The following SCLT1 variants were observed in gnomAD, a reference collection of about 807,000 sequenced individuals.
SCLT1 encodes the protein sodium channel-associated protein 1.
Under a neutral mutation model 112.8 loss-of-function variants are expected in SCLT1, and 78 were observed. The ratio of observed to expected loss-of-function variants is 0.69; its 90% CI spans 0.58 to 0.83. The LOEUF (loss-of-function observed/expected upper bound fraction) is 0.83, where lower values mean the gene tolerates loss of function less well. Among genes scored for constraint, SCLT1 ranks in the 40% least tolerant of loss-of-function variants. The pLI is 0.00. For missense variants in SCLT1, 747 were observed against 770.4 expected (o/e 0.97, Z 0.36); for synonymous variants, 257 against 254.7 (o/e 1.01, Z -0.09).
At chr4:128,894,938 A>T (rs1484528243) in intron 18 of SCLT1, among the ~76,000 whole-genome samples, 1 of 152,014 alleles carries the variant, frequency 6.6e-6, no homozygotes, top group Non-Finnish European at 1.5e-5. Flanking sequence ...TTGGCCTCCT[A>T]AAGTGCTGGG....
At chr4:129,079,409 T>C (rs532062343) in intron 2 of SCLT1, among the ~76,000 whole-genome samples, 46 of 152,306 alleles carry the variant, frequency 3.0e-4, no homozygotes, top group African/African-American at 2.6e-4. Context: ...AAGGGAGACA[T>C]TGATCAAAAG....
At chr4:128,991,534 A>C (rs543428779) in intron 9 of SCLT1, among the ~76,000 whole-genome samples, 2 of 151,924 alleles carry the variant, frequency 1.3e-5, no homozygotes, top group Non-Finnish European at 3.0e-5. Context: ...AAATAAAAAA[A>C]CCCACAGAAT....
chr4:129,056,857 C>T (rs997409411), intron 2 of SCLT1, among the ~76,000 whole-genome samples: 13 of 152,138 alleles, frequency 8.5e-5, no homozygotes, highest in Non-Finnish European at 1.8e-4. Context: ...GCTAGGACTC[C>T]CATACTAAGT....
At chr4:128,923,838 G>C (rs116268748) in intron 18 of SCLT1, among the ~76,000 whole-genome samples, 1,910 of 152,110 alleles carry the variant, frequency 0.013, 59 homozygotes, top group African/African-American at 0.044. Context: ...TTTGGAAAGA[G>C]TCTTGGTCTG....
chr4:128,965,648 C>G (rs1354058236), intron 10 of SCLT1, among the ~76,000 whole-genome samples: 1 of 152,080 alleles, frequency 6.6e-6, no homozygotes, highest in Non-Finnish European at 1.5e-5. Context: ...AGAATATGCT[C>G]TCTTAACTAT....
At chr4:129,008,594 T>TAC (rs931030733) in intron 5 of SCLT1, among the ~76,000 whole-genome samples, 3 of 152,216 alleles carry the variant, frequency 2.0e-5, no homozygotes, top group African/African-American at 7.2e-5. Context: ...GGATTCAAAT[T>TAC]ACACGAATTT....
At chr4:129,027,385 A>G (rs1010785363) in intron 5 of SCLT1, among the ~76,000 whole-genome samples, 1 of 152,138 alleles carries the variant, frequency 6.6e-6, no homozygotes, top group African/African-American at 2.4e-5. Context: ...TGGGATGCAA[A>G]GCTGGTTAAA....
intron 18 of SCLT1, among the ~76,000 whole-genome samples, chr4:128,895,407 C>T (rs964850920): frequency 4.6e-5 from 7 of 152,186 alleles, no homozygotes; most frequent in African/African-American, 1.7e-4. Flanking sequence ...CAAAAGGAAC[C>T]TTCCACACTT....
chr4:129,024,249 TCTGACCC>T lies in SCLT1; in HGVS notation c.290+14785_290+14791del, dbSNP rs567548395. Among the ~76,000 whole-genome samples the T allele has an allele frequency of 3.8e-3, 580 of 152,286 alleles. 1 individual carries two copies. Among genetic ancestry groups the T allele is most frequent in the African/African-American group, 0.011 (477 of 41,566 alleles). Reference sequence around the variant, plus strand: ...GGCAGACTGCCTCCTCAAGTGGGTCTCTGACCCCTGACCCCTGACCCCTGAGCAGCCT... The same window carrying T: ...GGCAGACTGCCTCCTCAAGTGGGTCTCTGACCCCTGACCCCTGAGCAGCCT... On this transcript the variant is annotated intron_variant, in intron 5 of 20. Coordinates refer to ENST00000281142, the MANE Select transcript of SCLT1 (RefSeq NM_144643.4).
At chr4:128,961,540 T>A (rs914696686) in intron 11 of SCLT1, among the ~76,000 whole-genome samples, 65 of 152,324 alleles carry the variant, frequency 4.3e-4, no homozygotes, top group African/African-American at 1.5e-3. Context: ...TCTTTTTTTT[T>A]AAATAGTAGA....
In SCLT1 at chr4:129,014,376, A is replaced by C. The variant is rs542000701; in HGVS notation, c.291-10500T>G. Among the ~76,000 whole-genome samples, 4 of 152,262 alleles carry C rather than the reference A, an allele frequency of 2.6e-5. No homozygotes were observed. In the South Asian group the frequency reaches 6.2e-4, roughly 24 times the overall value. ...GGCAATGGGGTAGATTAGAGGAAAAAAGGCACTGTGGCTTTTTGAGTTGTC... is the reference window on the plus strand; with the variant it reads ...GGCAATGGGGTAGATTAGAGGAAAACAGGCACTGTGGCTTTTTGAGTTGTC... On this transcript the variant is annotated intron_variant, in intron 5 of 20. Transcript: ENST00000281142.
intron 2 of SCLT1, among the ~76,000 whole-genome samples, chr4:129,078,014 T>C (rs978351540): frequency 6.6e-5 from 10 of 152,138 alleles, no homozygotes; most frequent in South Asian, 2.1e-4. Flanking sequence ...AACAGCAACA[T>C]GTTCTGAAGA....
chr4:129,019,371 A>G (rs528337724), intron 5 of SCLT1, among the ~76,000 whole-genome samples: 2 of 152,350 alleles, frequency 1.3e-5, no homozygotes, highest in South Asian at 4.1e-4. Context: ...AAGATGCACC[A>G]TTCTTTTACA....
intron 9 of SCLT1, among the ~76,000 whole-genome samples, chr4:128,985,130 A>G (rs1258373962): frequency 1.3e-5 from 2 of 152,114 alleles, no homozygotes; most frequent in African/African-American, 2.4e-5. Flanking sequence ...ACAAATACCT[A>G]GGTTGCCTTC....
At chr4:128,931,182 AT>A (rs139765922) in intron 18 of SCLT1, among the ~76,000 whole-genome samples, 17 of 150,400 alleles carry the variant, frequency 1.1e-4, no homozygotes, top group African/African-American at 2.7e-4. Flanking sequence ...GGAAATTGTA[AT>A]TTTTTTTTTC....
chr4:128,996,341 A>G (rs1743016320), intron 8 of SCLT1, among the ~76,000 whole-genome samples: 1 of 152,164 alleles, frequency 6.6e-6, no homozygotes. Context: ...TAGTCAAATT[A>G]TATTGAAAGA....
chr4:128,881,495 C>A (rs1199455647), downstream of SCLT1, among the ~76,000 whole-genome samples: 1 of 152,022 alleles, frequency 6.6e-6, no homozygotes, highest in Non-Finnish European at 1.5e-5. Flanking sequence ...ATTCTCACAC[C>A]AGAGAAGAAA....
At position 129,093,165 on chromosome 4, in the gene SCLT1, T is replaced by C; in HGVS notation, c.-62A>G. On this transcript the variant is annotated 5_prime_UTR_variant, in exon 1 of 21. Coordinates refer to ENST00000281142, the MANE Select transcript of SCLT1 (RefSeq NM_144643.4). ...TACCTTCCTCTGAAAGACAGAGAGC[T>C]TGCTGTGCGGGAAAACAAAACTAAG... The C allele has an allele frequency of 6.5e-7, 1 of 1,529,502 alleles. No homozygotes were observed. The highest frequency in any genetic ancestry group is 9.1e-7 in the Non-Finnish European group (1 of 1,103,556). The allele number at this position is 1,529,502 out of a possible 1,614,324, so 94.7% of individuals were successfully genotyped here. A position where few individuals can be genotyped will look rare whatever the true frequency, so the allele number is the denominator to read the frequency against.
chr4:128,982,064 T>C (rs999777590), intron 9 of SCLT1, among the ~76,000 whole-genome samples: 1 of 152,060 alleles, frequency 6.6e-6, no homozygotes, highest in Non-Finnish European at 1.5e-5. Context: ...TAAGGTAGAG[T>C]TGGGACAGAA....
Sources: allele counts gnomAD v4.1 joint callset (sites outside exome capture counted in the v4.1 genomes callset), GRCh38; gene constraint gnomAD v4.1.1; transcripts MANE v1.5; gene names NCBI Gene and HGNC (gene_info 2026-07-23, HGNC 2026-07-21).